GALNT7: variants seen among roughly 807,000 people sequenced by gnomAD.
GALNT7 encodes N-acetylgalactosaminyltransferase 7.
In GALNT7, 60 loss-of-function variants were observed where a neutral mutation model predicts 82.1. The observed-to-expected ratio is 0.73, with a 90% confidence interval of 0.59 to 0.91. The LOEUF is 0.91. Ranked by LOEUF, GALNT7 falls within the 40% of genes least tolerant of loss-of-function variation. GALNT7 has a pLI of 0.00. For synonymous variants in GALNT7, 243 were observed against 275.1 expected, an observed-to-expected ratio of 0.88 and a Z score of 1.15; for missense variants, 660 against 804.2, an observed-to-expected ratio of 0.82 and a Z score of 2.17.
At chr4:173,183,046 A>G (rs1159083170) in intron 1 of GALNT7, among the ~76,000 whole-genome samples, 1 of 16,930 alleles carries the variant, frequency 5.9e-5, no homozygotes, top group East Asian at 3.1e-3. Flanking sequence ...ACACATAAAC[A>G]CACACACACA....
At position 173,259,468 on chromosome 4, in the gene GALNT7, A is replaced by G. The variant is rs1010980948; in HGVS notation, c.587+11028A>G. Among the ~76,000 whole-genome samples, 19 of 151,824 alleles carry G rather than the reference A, an allele frequency of 1.3e-4. No homozygotes were observed. In the South Asian group the frequency reaches 2.3e-3, roughly 18 times the overall value. On this transcript the variant is annotated intron_variant, in intron 2 of 11. Coordinates refer to ENST00000265000, the MANE Select transcript of GALNT7 (RefSeq NM_017423.3). The stretch of plus-strand genomic sequence containing the variant: ...ATAACAAATACCGGGAGTGGAGAAA[A>G]AAGATCCAATCCTGCTATTTCTCTA...
intron 1 of GALNT7, among the ~76,000 whole-genome samples, chr4:173,244,163 G>C (rs146790186): frequency 0.014 from 2,159 of 152,228 alleles, 28 homozygotes; most frequent in South Asian, 0.025. Context: ...CTCCCACACT[G>C]CAGAGGCAGA....
At chr4:173,202,796 T>C (rs980087851) in intron 1 of GALNT7, among the ~76,000 whole-genome samples, 5 of 152,214 alleles carry the variant, frequency 3.3e-5, no homozygotes, top group African/African-American at 1.2e-4. Context: ...ATTTATATTG[T>C]CTGTCTCTCC....
At chr4:173,269,932 A>G (rs1735661619) in intron 2 of GALNT7, among the ~76,000 whole-genome samples, 2 of 152,224 alleles carry the variant, frequency 1.3e-5, no homozygotes, top group African/African-American at 2.4e-5. Context: ...TTTCATATCC[A>G]GTAAAACTAG....
chr4:173,248,217 T>A lies in GALNT7; in HGVS notation c.364T>A (p.Tyr122Asn). The A allele has an allele frequency of 6.2e-7, 1 of 1,613,928 alleles. No individual in the cohort carries two copies. Among genetic ancestry groups the A allele is most frequent in the Non-Finnish European group, 8.5e-7 (1 of 1,179,824 alleles). Residue 122 changes from tyrosine to asparagine, a missense_variant, in exon 2 of 12, where the codon TAC (tyrosine) becomes AAC (asparagine). Coordinates refer to ENST00000265000, the MANE Select transcript of GALNT7 (RefSeq NM_017423.3). ...YLTFKPQTFT[Y>N]HDPVLRPGIL... ...CACATTTAAGCCTCAGACATTCACC[T>A]ACCATGATCCTGTGCTTCGCCCAGG...
At chr4:173,284,727 A>T in intron 2 of GALNT7, among the ~76,000 whole-genome samples, 1 of 152,176 alleles carries the variant, frequency 6.6e-6, no homozygotes, top group East Asian at 1.9e-4. Flanking sequence ...ATTTGAAAAA[A>T]AAAACAACAA....
intron 1 of GALNT7, chr4:173,169,230 G>A (rs572517700): frequency 6.7e-6 from 1 of 149,072 alleles, no homozygotes; most frequent in Non-Finnish European, 1.5e-5. Flanking sequence ...CCGCGGCAGC[G>A]GCTCGGGCGG....
At chr4:173,210,407 CTCTA>C (rs1394792697) in intron 1 of GALNT7, among the ~76,000 whole-genome samples, 2 of 152,178 alleles carry the variant, frequency 1.3e-5, no homozygotes, top group African/African-American at 4.8e-5. Context: ...TTGCACAAAT[CTCTA>C]TCAAAAGCCA....
At chr4:173,321,220 G>C (rs1737803277) in intron 11 of GALNT7, among the ~76,000 whole-genome samples, 1 of 152,136 alleles carries the variant, frequency 6.6e-6, no homozygotes, top group African/African-American at 2.4e-5. Context: ...TGGTATGTGA[G>C]TGAATGAGGA....
intron 1 of GALNT7, among the ~76,000 whole-genome samples, chr4:173,189,428 C>T (rs1168907900): frequency 6.6e-6 from 1 of 152,186 alleles, no homozygotes; most frequent in Non-Finnish European, 1.5e-5. Context: ...GATTTCTATT[C>T]ATACAGAAAT....
intron 1 of GALNT7, among the ~76,000 whole-genome samples, chr4:173,206,686 G>A (rs1334838743): frequency 6.6e-6 from 1 of 152,188 alleles, no homozygotes; most frequent in Non-Finnish European, 1.5e-5. Flanking sequence ...GAAATGGGAG[G>A]TAGAAAAGAA....
At chr4:173,228,873 T>C (rs1250000742) in intron 1 of GALNT7, among the ~76,000 whole-genome samples, 2 of 152,188 alleles carry the variant, frequency 1.3e-5, no homozygotes, top group African/African-American at 4.8e-5. Flanking sequence ...CTGAAGTAGA[T>C]GTGCAAGAAA....
intron 5 of GALNT7, among the ~76,000 whole-genome samples, chr4:173,296,891 T>C (rs1736735700): frequency 6.6e-6 from 1 of 152,124 alleles, no homozygotes; most frequent in Admixed American, 6.5e-5. Context: ...GAAGCATCTT[T>C]CTGGACTTTA....
At chr4:173,216,846 T>A (rs1487034247) in intron 1 of GALNT7, among the ~76,000 whole-genome samples, 3 of 149,184 alleles carry the variant, frequency 2.0e-5, no homozygotes, top group Non-Finnish European at 4.4e-5. Context: ...TTCTCCTGTC[T>A]CAGCCTCCCG....
At chr4:173,225,049 A>AATAATAATT (rs1237783020) in intron 1 of GALNT7, among the ~76,000 whole-genome samples, 2 of 142,850 alleles carry the variant, frequency 1.4e-5, no homozygotes, top group African/African-American at 5.3e-5. Context: ...TAATAATAAT[A>AATAATAATT]ATTATAATTA....
At chr4:173,286,184 A>G (rs953755176) in intron 2 of GALNT7, among the ~76,000 whole-genome samples, 1 of 152,226 alleles carries the variant, frequency 6.6e-6, no homozygotes, top group Non-Finnish European at 1.5e-5. Flanking sequence ...GAATGTAAAC[A>G]GTGATCTTCA....
intron 1 of GALNT7, among the ~76,000 whole-genome samples, chr4:173,210,520 T>A (rs9993327): frequency 6.6e-6 from 1 of 152,082 alleles, no homozygotes; most frequent in Non-Finnish European, 1.5e-5. Flanking sequence ...ATGGCGCCAT[T>A]TTGGCTCACT....
At chr4:173,286,113 CT>C (rs1176434270) in intron 2 of GALNT7, among the ~76,000 whole-genome samples, 1 of 152,190 alleles carries the variant, frequency 6.6e-6, no homozygotes, top group Non-Finnish European at 1.5e-5. Flanking sequence ...CGGATATCCA[CT>C]TTGAGGTAAG....
intron 2 of GALNT7, among the ~76,000 whole-genome samples, chr4:173,274,835 T>C (rs1037080840): frequency 2.0e-5 from 3 of 152,074 alleles, no homozygotes; most frequent in Non-Finnish European, 4.4e-5. Context: ...GTTCTGGGAG[T>C]CAGCCGGGGA....
Sources: gnomAD v4.1 joint callset for allele counts (sites outside exome capture counted in the v4.1 genomes callset) on GRCh38, gnomAD v4.1.1 for gene constraint, MANE v1.5 for transcripts, NCBI Gene and HGNC (gene_info 2026-07-23, HGNC 2026-07-21) for gene names.